The following PLCB1 variants were observed in gnomAD, a reference collection of about 807,000 sequenced individuals.
PLCB1 encodes the protein 1-phosphatidylinositol 4,5-bisphosphate phosphodiesterase beta-1.
PLCB1 carries 46 observed loss-of-function variants against 161.8 expected under a neutral mutation model. The ratio of observed to expected loss-of-function variants is 0.28; its 90% CI spans 0.22 to 0.36. The LOEUF is 0.36. Among genes scored for constraint, PLCB1 ranks in the 10% least tolerant of loss-of-function variants. The probability of loss-of-function intolerance (pLI) is 1.00; values close to 1 mark genes in which losing one functional copy is unlikely to be tolerated. For synonymous variants in PLCB1, 517 were observed against 503.7 expected, an observed-to-expected ratio of 1.03 and a Z score of -0.35; for missense variants, 1,016 against 1,472.5, an observed-to-expected ratio of 0.69 and a Z score of 5.07.
chr20:8,864,561 T>C (rs1987362417), intron 31 of PLCB1, among the ~76,000 whole-genome samples: 1 of 152,098 alleles, frequency 6.6e-6, no homozygotes, highest in Non-Finnish European at 1.5e-5. Flanking sequence ...AATAAATCAA[T>C]GAATGTGTGA....
chr20:8,716,038 G>T (rs768369197), intron 12 of PLCB1: 4 of 520,402 alleles, frequency 7.7e-6, no homozygotes, highest in Non-Finnish European at 1.4e-5. Flanking sequence ...TGTCTATGCA[G>T]GTCTGCCTTG....
chr20:8,859,274 A>G (rs919026411), intron 31 of PLCB1, among the ~76,000 whole-genome samples: 4 of 152,230 alleles, frequency 2.6e-5, no homozygotes, highest in African/African-American at 4.8e-5. Flanking sequence ...CACAAATAGA[A>G]CATTGTTCCA....
At chr20:8,319,196 T>A (rs1053867902) in intron 2 of PLCB1, among the ~76,000 whole-genome samples, 1 of 152,216 alleles carries the variant, frequency 6.6e-6, no homozygotes, top group African/African-American at 2.4e-5. Flanking sequence ...AGTTATTTAC[T>A]GCCAAATAAT....
intron 27 of PLCB1, among the ~76,000 whole-genome samples, chr20:8,776,427 G>T (rs1982947382): frequency 6.6e-6 from 1 of 152,082 alleles, no homozygotes; most frequent in African/African-American, 2.4e-5. Flanking sequence ...CATAATGAAG[G>T]GAGTTGCTCT....
At chr20:8,223,954 G>T (rs1479879775) in intron 2 of PLCB1, among the ~76,000 whole-genome samples, 1 of 152,102 alleles carries the variant, frequency 6.6e-6, no homozygotes, top group Non-Finnish European at 1.5e-5. Flanking sequence ...GTGAGATTTG[G>T]CATGTGTGAG....
At chr20:8,549,184 AAAAT>A (rs552089110) in intron 3 of PLCB1, among the ~76,000 whole-genome samples, 19 of 152,290 alleles carry the variant, frequency 1.2e-4, no homozygotes, top group African/African-American at 2.6e-4. Context: ...GAATAACCAG[AAAAT>A]AAATAAATAA....
intron 3 of PLCB1, among the ~76,000 whole-genome samples, chr20:8,585,875 C>T (rs930859034): frequency 6.6e-6 from 1 of 152,196 alleles, no homozygotes; most frequent in Admixed American, 6.5e-5. Flanking sequence ...TTTGCTTCTT[C>T]TCTATGTATA....
chr20:8,214,515 G>T (rs73082276), intron 2 of PLCB1, among the ~76,000 whole-genome samples: 2 of 151,956 alleles, frequency 1.3e-5, no homozygotes, highest in Non-Finnish European at 2.9e-5. Flanking sequence ...TTTCTGTACC[G>T]GCTGCAGAGC....
At chr20:8,166,335 G>C (rs1205823484) in intron 2 of PLCB1, among the ~76,000 whole-genome samples, 1 of 152,092 alleles carries the variant, frequency 6.6e-6, no homozygotes, top group Non-Finnish European at 1.5e-5. Context: ...TGTGGTGCTT[G>C]ATTATTTTTA....
chr20:8,699,178 G>A (rs1990645934), intron 11 of PLCB1, among the ~76,000 whole-genome samples: 1 of 152,204 alleles, frequency 6.6e-6, no homozygotes, highest in South Asian at 2.1e-4. Flanking sequence ...TAGGTCCCAA[G>A]GCATAAGCCC....
At chr20:8,732,071 A>G (rs191183808) in intron 18 of PLCB1, 1 of 152,134 alleles carries the variant, frequency 6.6e-6, no homozygotes, top group African/African-American at 2.4e-5. Flanking sequence ...ATCAGTTGCA[A>G]TATGTGTGAA....
At chr20:8,714,424 C>T (rs1465664062) in intron 12 of PLCB1, among the ~76,000 whole-genome samples, 1 of 152,158 alleles carries the variant, frequency 6.6e-6, no homozygotes, top group Non-Finnish European at 1.5e-5. Context: ...CTGGTAGAAC[C>T]CCTGTGCAAG....
intron 20 of PLCB1, among the ~76,000 whole-genome samples, chr20:8,738,899 C>G (rs1011265120): frequency 4.6e-5 from 7 of 152,138 alleles, no homozygotes; most frequent in Non-Finnish European, 7.3e-5. Flanking sequence ...GCCTCTAATC[C>G]GAGCACTTTG....
At chr20:8,270,123 AT>A (rs1403221917) in intron 2 of PLCB1, among the ~76,000 whole-genome samples, 2 of 152,146 alleles carry the variant, frequency 1.3e-5, no homozygotes, top group Non-Finnish European at 2.9e-5. Context: ...CAAAACAGCC[AT>A]TTCTTCTTAA....
chr20:8,473,660 A>C (rs1192580208), intron 3 of PLCB1, among the ~76,000 whole-genome samples: 3 of 152,168 alleles, frequency 2.0e-5, no homozygotes, highest in Admixed American at 6.5e-5. Flanking sequence ...TATCCATCCA[A>C]GCACCCTGGC....
intron 3 of PLCB1, among the ~76,000 whole-genome samples, chr20:8,586,642 C>T (rs946419246): frequency 6.6e-6 from 1 of 152,130 alleles, no homozygotes; most frequent in Admixed American, 6.5e-5. Flanking sequence ...AGTGGTCACT[C>T]ACAAATAGGA....
intron 3 of PLCB1, among the ~76,000 whole-genome samples, chr20:8,503,132 A>G (rs1053291573): frequency 6.6e-6 from 1 of 152,168 alleles, no homozygotes; most frequent in Non-Finnish European, 1.5e-5. Flanking sequence ...AATAGAAGGG[A>G]AGACACTTTG....
intron 2 of PLCB1, among the ~76,000 whole-genome samples, chr20:8,217,970 A>G (rs1166800455): frequency 1.3e-5 from 2 of 152,116 alleles, no homozygotes; most frequent in African/African-American, 2.4e-5. Flanking sequence ...CCCAGCCTCC[A>G]GAACTATAAG....
intron 3 of PLCB1, among the ~76,000 whole-genome samples, chr20:8,524,244 A>G (rs577564354): frequency 2.0e-4 from 31 of 152,312 alleles, no homozygotes; most frequent in Admixed American, 1.6e-3. Flanking sequence ...CATTTAAAAT[A>G]CACCCATATG....
Sources: allele counts gnomAD v4.1 joint callset (sites outside exome capture counted in the v4.1 genomes callset), GRCh38; gene constraint gnomAD v4.1.1; transcripts MANE v1.5; gene names NCBI Gene and HGNC (gene_info 2026-07-23, HGNC 2026-07-21).